The following ATF7IP variants were observed in gnomAD, a reference collection of about 807,000 sequenced individuals.
ATF7IP encodes the protein activating transcription factor 7 interacting protein.
Under a neutral mutation model 106.4 loss-of-function variants are expected in ATF7IP, and 23 were observed. The observed-to-expected ratio is 0.22, with a 90% CI of 0.16 to 0.31. The LOEUF is 0.31. Among genes scored for constraint, ATF7IP ranks in the 10% least tolerant of loss-of-function variants. ATF7IP has a pLI of 1.00. For synonymous variants in ATF7IP, 542 were observed against 539.0 expected, an observed-to-expected ratio of 1.01 and a Z score of -0.08; for missense variants, 1,334 against 1,524.3, an observed-to-expected ratio of 0.88 and a Z score of 2.08.
intron 1 of ATF7IP, among the ~76,000 whole-genome samples, chr12:14,368,584 TTAAAG>T (rs1324503569): frequency 9.2e-5 from 14 of 152,302 alleles, no homozygotes; most frequent in Middle Eastern, 3.4e-3. Context: ...CAAAGGACTT[TTAAAG>T]TAATTTGCAA....
At chr12:14,465,219 A>AAAAAAATAATAAATAAAATAAAGAATT (rs1400233799) in intron 9 of ATF7IP, among the ~76,000 whole-genome samples, 1 of 152,106 alleles carries the variant, frequency 6.6e-6, no homozygotes, top group Non-Finnish European at 1.5e-5. Context: ...CTCAAAAAGA[A>AAAAAAATAATAAATAAAATAAAGAATT]AAAAAATAAT....
At chr12:14,448,821 C>A (rs552337616) in intron 6 of ATF7IP, among the ~76,000 whole-genome samples, 1 of 152,088 alleles carries the variant, frequency 6.6e-6, no homozygotes, top group South Asian at 2.1e-4. Context: ...GTGTTATTTT[C>A]TGTTCTTTTG....
At chr12:14,398,604 T>C (rs1446344796) in intron 1 of ATF7IP, among the ~76,000 whole-genome samples, 2 of 151,962 alleles carry the variant, frequency 1.3e-5, no homozygotes, top group Non-Finnish European at 2.9e-5. Flanking sequence ...GTTCTATTTA[T>C]TTTTGTTATT....
At chr12:14,410,052 C>G (rs1317827476) in intron 1 of ATF7IP, among the ~76,000 whole-genome samples, 1 of 152,066 alleles carries the variant, frequency 6.6e-6, no homozygotes, top group Non-Finnish European at 1.5e-5. Context: ...ATAAAGAAAT[C>G]CTGTACCCTT....
chr12:14,444,999 T>G (rs1192280208), intron 5 of ATF7IP, among the ~76,000 whole-genome samples: 2 of 150,458 alleles, frequency 1.3e-5, no homozygotes, highest in Admixed American at 6.6e-5. Context: ...AGTTTTTTTT[T>G]TTTTTTTTTT....
chr12:14,424,013 A>G lies in ATF7IP; in HGVS notation c.98A>G (p.Lys33Arg), dbSNP rs2136550996. The change falls in exon 2 of 15, where the codon AAA (lysine) becomes AGA (arginine). Residue 33 changes from lysine (K) to arginine (R), a missense_variant. Around this residue, in one of 10 missense-constraint regions of ATF7IP, gnomAD observed 74 missense variants for 101.9 expected, o/e 0.73. Coordinates refer to ENST00000261168, the MANE Select transcript of ATF7IP (RefSeq NM_018179.5). ...RQQLEAVYKV[K>R]EELLKTDVKL... is the part of the protein sequence containing the mutation. ...CAACTTGAAGCAGTGTACAAGGTCAAAGAAGAACTGTTGAAAACTGATGTC... is the reference window on the plus strand; with the variant it reads ...CAACTTGAAGCAGTGTACAAGGTCAGAGAAGAACTGTTGAAAACTGATGTC... The G allele has an allele frequency of 6.2e-7, 1 of 1,614,188 alleles. No homozygotes were observed. Among genetic ancestry groups the G allele is most frequent in the East Asian group, 2.2e-5 (1 of 44,876 alleles).
chr12:14,425,500 A>AT (rs1398326562), intron 2 of ATF7IP, 27 bp downstream of exon 2: 3 of 1,490,944 alleles, frequency 2.0e-6, no homozygotes, highest in Non-Finnish European at 8.9e-7. Flanking sequence ...AATGTTAAAG[A>AT]TTTTTTATTG....
At chr12:14,438,763 C>G (rs952801063) in intron 5 of ATF7IP, among the ~76,000 whole-genome samples, 1 of 152,104 alleles carries the variant, frequency 6.6e-6, no homozygotes, top group Admixed American at 6.6e-5. Context: ...CTGCAATGAC[C>G]TTCTTTACAA....
intron 1 of ATF7IP, among the ~76,000 whole-genome samples, chr12:14,377,519 C>G (rs1938801453): frequency 1.3e-5 from 2 of 151,046 alleles, no homozygotes; most frequent in South Asian, 4.2e-4. Context: ...CCATGCCCGG[C>G]TAATTGTTTG....
In ATF7IP at chr12:14,496,311, A is replaced by G; in HGVS notation, c.3361A>G (p.Thr1121Ala). The G allele has an allele frequency of 6.2e-7, 1 of 1,613,088 alleles. No individual in the cohort carries two copies. Among genetic ancestry groups the G allele is most frequent in the Non-Finnish European group, 8.5e-7 (1 of 1,179,130 alleles). Residue 1121 changes from threonine (T) to alanine (A), a missense_variant, in exon 14 of 15, where the codon ACA (threonine) becomes GCA (alanine). Physicochemically the swap from Thr to Ala is moderately conservative, Grantham distance 58. This residue lies in a region of ATF7IP where 370 missense variants were observed against 401.2 expected (regional missense o/e 0.92). Transcript: ENST00000261168. ...LTLGSTGPQL[T>A]VHHRPPQVHT... ...CCTGGGATCAACAGGACCTCAGCTC[A>G]CAGTGCATCACCGACCACCACAAGT...
intron 6 of ATF7IP, among the ~76,000 whole-genome samples, chr12:14,455,336 T>G (rs1265265252): frequency 6.6e-6 from 1 of 152,240 alleles, no homozygotes; most frequent in Non-Finnish European, 1.5e-5. Context: ...GACAGCCAGA[T>G]TTTAAGCACC....
At chr12:14,484,664 A>G (rs1293720324) in intron 13 of ATF7IP, among the ~76,000 whole-genome samples, 1 of 152,180 alleles carries the variant, frequency 6.6e-6, no homozygotes, top group Non-Finnish European at 1.5e-5. Flanking sequence ...TCCGCTGTCA[A>G]GTGATCATAG....
At chr12:14,480,464 A>G (rs1026817846) in intron 12 of ATF7IP, among the ~76,000 whole-genome samples, 17 of 152,194 alleles carry the variant, frequency 1.1e-4, no homozygotes, top group African/African-American at 3.9e-4. Flanking sequence ...TTAAAAAAAG[A>G]TAGATTGGTT....
chr12:14,392,724 A>T (rs559489788), intron 1 of ATF7IP, among the ~76,000 whole-genome samples: 1 of 152,174 alleles, frequency 6.6e-6, no homozygotes, highest in African/African-American at 2.4e-5. Flanking sequence ...ACTACACAAA[A>T]TGTGGCCTGT....
intron 6 of ATF7IP, among the ~76,000 whole-genome samples, chr12:14,447,360 C>T (rs757078472): frequency 6.3e-4 from 92 of 145,724 alleles, no homozygotes; most frequent in Non-Finnish European, 1.0e-3. Context: ...TGGTTCACTG[C>T]AACCTCTGCC....
intron 1 of ATF7IP, among the ~76,000 whole-genome samples, chr12:14,385,605 T>G (rs1939193017): frequency 6.6e-6 from 1 of 152,196 alleles, no homozygotes; most frequent in South Asian, 2.1e-4. Flanking sequence ...TTCTCACCAT[T>G]TTATGTTCTG....
intron 1 of ATF7IP, among the ~76,000 whole-genome samples, chr12:14,397,972 C>G (rs1458823334): frequency 6.6e-6 from 1 of 152,104 alleles, no homozygotes; most frequent in Admixed American, 6.5e-5. Flanking sequence ...ATACCTCAGT[C>G]TTTCCCTAAT....
intron 1 of ATF7IP, among the ~76,000 whole-genome samples, chr12:14,394,686 G>A (rs1471277150): frequency 6.6e-6 from 1 of 152,196 alleles, no homozygotes; most frequent in Non-Finnish European, 1.5e-5. Flanking sequence ...CAGCCTTTTG[G>A]ACTGAAAGAA....
rs1398987623 is a variant in ATF7IP, at chr12:14,499,205, C to G, written c.*1132C>G. 1.3e-5 allele frequency: 2 copies of G among 152,174 alleles called. No homozygotes were observed. Among genetic ancestry groups the G allele is most frequent in the Non-Finnish European group, 2.9e-5 (2 of 68,030 alleles). The allele number at this position is 152,174 out of a possible 1,614,324, so 9.4% of individuals were successfully genotyped here. A position where few individuals can be genotyped will look rare whatever the true frequency, so the allele number is the denominator to read the frequency against. Reference sequence around the variant, plus strand: ...GTACATGGATGTGTATGTACACACACACACAGGTGCATGCATAGTCTCATC... The same window carrying G: ...GTACATGGATGTGTATGTACACACAGACACAGGTGCATGCATAGTCTCATC... On this transcript the variant is annotated 3_prime_UTR_variant, in exon 15 of 15. Coordinates refer to ENST00000261168, the MANE Select transcript of ATF7IP (RefSeq NM_018179.5).
Sources: gnomAD v4.1 joint callset for allele counts (sites outside exome capture counted in the v4.1 genomes callset) on GRCh38, gnomAD v4.1.1 for gene constraint, gnomAD v4.1.1 regional missense constraint, MANE v1.5 for transcripts, NCBI Gene and HGNC (gene_info 2026-07-23, HGNC 2026-07-21) for gene names.